SPANXN2: variants seen among roughly 807,000 people sequenced by gnomAD.
SPANXN2 encodes sperm protein associated with the nucleus on the X chromosome N2.
Under a neutral mutation model 2.0 loss-of-function variants are expected in SPANXN2, and 1 was observed. That is an observed-to-expected ratio of 0.50 (90% CI 0.18 to 2.36). SPANXN2 has a LOEUF of 2.36. Ranked by LOEUF, SPANXN2 falls within the 30% of genes most tolerant of loss-of-function variation. The probability of loss-of-function intolerance (pLI) is 0.26; values close to 1 mark genes in which losing one functional copy is unlikely to be tolerated. For missense variants in SPANXN2, 88 were observed against 116.7 expected (o/e 0.75, Z 1.13); for synonymous variants, 43 against 49.8 (o/e 0.86, Z 0.58).
chrX:143,720,241 C>T (rs1314320950), intron 1 of SPANXN2, among the ~76,000 whole-genome samples: 1 of 111,185 alleles, frequency 9.0e-6, no homozygotes, highest in Non-Finnish European at 1.9e-5. Context: ...CTTGCCTAAT[C>T]GTCGTAACAC....
intron 1 of SPANXN2, among the ~76,000 whole-genome samples, chrX:143,719,773 C>G (rs1556450593): frequency 9.0e-6 from 1 of 111,010 alleles, no homozygotes; most frequent in East Asian, 2.9e-4. Context: ...ACATCTCATT[C>G]TAGTGTTAGC....
intron 1 of SPANXN2, among the ~76,000 whole-genome samples, chrX:143,720,229 A>C (rs1932340702): frequency 9.0e-6 from 1 of 111,187 alleles, no homozygotes. Flanking sequence ...CATGAGAAAA[A>C]TCTTGCCTAA....
chrX:143,716,650 C>T (rs1412407236), intron 1 of SPANXN2, among the ~76,000 whole-genome samples: 2 of 112,275 alleles, frequency 1.8e-5, no homozygotes, highest in Non-Finnish European at 3.8e-5. Context: ...GAAGCCATTG[C>T]ACGCCTCTCA....
chrX:143,712,438 A>G, exon 2 of SPANXN2: 1 of 1,211,730 alleles, frequency 8.3e-7, no homozygotes, highest in Non-Finnish European at 1.1e-6. Context: ...TAGATATTCT[A>G]TTGTTTTTGT....
intron 1 of SPANXN2, among the ~76,000 whole-genome samples, chrX:143,713,787 C>CA (rs782810904): frequency 3.7e-4 from 41 of 111,229 alleles, no homozygotes; most frequent in South Asian, 7.6e-4. Flanking sequence ...TCCCCTCTTC[C>CA]AAAAAACAAA....
chrX:143,712,058 A>C (rs1932167275), exon 2 of SPANXN2: 1 of 1,212,343 alleles, frequency 8.2e-7, no homozygotes, highest in African/African-American at 1.7e-5. Flanking sequence ...CCCTCCTGTG[A>C]AGATCCTTCA....
intron 1 of SPANXN2, among the ~76,000 whole-genome samples, chrX:143,717,517 A>G (rs1291547267): frequency 2.7e-5 from 3 of 111,658 alleles, no homozygotes; most frequent in African/African-American, 9.8e-5. Flanking sequence ...ACCCAGCAGG[A>G]AAAAAACCCA....
chrX:143,715,709 A>G (rs1267532185), intron 1 of SPANXN2, among the ~76,000 whole-genome samples: 5 of 106,020 alleles, frequency 4.7e-5, no homozygotes, highest in African/African-American at 1.7e-4. Context: ...ACAAGCTCAT[A>G]TTCTCAAGCC....
At chrX:143,713,209 C>G (rs1378156710) in intron 1 of SPANXN2, among the ~76,000 whole-genome samples, 5 of 111,725 alleles carry the variant, frequency 4.5e-5, no homozygotes, top group African/African-American at 1.6e-4. Flanking sequence ...AAGCAGCAAG[C>G]AGCACAAACT....
chrX:143,719,168 T>C (rs782170743), intron 1 of SPANXN2, among the ~76,000 whole-genome samples: 13 of 110,739 alleles, frequency 1.2e-4, no homozygotes, highest in African/African-American at 4.3e-4. Context: ...CACAGGGCTG[T>C]CACCCTCCTT....
chrX:143,720,741 T>C, exon 1 of SPANXN2: 1 of 1,125,170 alleles, frequency 8.9e-7, no homozygotes, highest in East Asian at 3.0e-5. Context: ...TATTGAAGCT[T>C]GCCAGGAGGA....
rs190061946 is a variant in SPANXN2 at position 143,717,485 on chromosome X, T to C, written c.78+3106A>G. Among the ~76,000 whole-genome samples the C allele has an allele frequency of 8.2e-3, 917 of 111,452 alleles. 9 individuals carry two copies. The highest frequency in any genetic ancestry group is 0.029 in the African/African-American group (876 of 30,600). ...CCCCATCGTTATTGCTCATTTTTTT[T>C]CCCAGCATACACCCTGTATATACCC... On this transcript the variant is annotated intron_variant, in intron 1 of 1. Transcript: ENST00000598475.
At chrX:143,715,065 G>A (rs1385929446) in intron 1 of SPANXN2, among the ~76,000 whole-genome samples, 2 of 111,232 alleles carry the variant, frequency 1.8e-5, no homozygotes, top group Non-Finnish European at 3.8e-5. Context: ...AAGTCAGACT[G>A]TGCTCACTGA....
exon 2 of SPANXN2, chrX:143,712,398 A>G: frequency 1.7e-6 from 2 of 1,212,047 alleles, no homozygotes; most frequent in Non-Finnish European, 2.2e-6. Context: ...TTATTTTCGT[A>G]TGCTTCCTGT....
chrX:143,713,892 A>ACTCT (rs58045166), intron 1 of SPANXN2, among the ~76,000 whole-genome samples: 2,064 of 87,847 alleles, frequency 0.023, 64 homozygotes, highest in African/African-American at 0.071. Flanking sequence ...TTCATGCCTC[A>ACTCT]CTCTCTCTCT....
At chrX:143,716,445 T>C (rs1204637966) in intron 1 of SPANXN2, among the ~76,000 whole-genome samples, 3 of 111,235 alleles carry the variant, frequency 2.7e-5, no homozygotes, top group African/African-American at 9.8e-5. Context: ...CCACTATACG[T>C]AGCCTCACAT....
intron 1 of SPANXN2, among the ~76,000 whole-genome samples, chrX:143,716,793 C>A (rs1161807068): frequency 8.9e-6 from 1 of 112,146 alleles, no homozygotes; most frequent in Non-Finnish European, 1.9e-5. Flanking sequence ...CCATTATCTA[C>A]AGGACCTCAT....
At chrX:143,713,892 A>ACTCTCTCTCT (rs58045166) in intron 1 of SPANXN2, among the ~76,000 whole-genome samples, 73 of 87,914 alleles carry the variant, frequency 8.3e-4, no homozygotes, top group African/African-American at 2.3e-3. Flanking sequence ...TTCATGCCTC[A>ACTCTCTCTCT]CTCTCTCTCT....
At chrX:143,713,492 C>T in intron 1 of SPANXN2, among the ~76,000 whole-genome samples, 1 of 111,450 alleles carries the variant, frequency 9.0e-6, no homozygotes, top group African/African-American at 3.3e-5. Flanking sequence ...CAAAAAATTC[C>T]AGTGCTGGGT....
Sources: allele counts gnomAD v4.1 joint callset (sites outside exome capture counted in the v4.1 genomes callset), GRCh38; gene constraint gnomAD v4.1.1; transcripts MANE v1.5; gene names NCBI Gene and HGNC (gene_info 2026-07-23, HGNC 2026-07-21).